Variants in CPNE8 observed in about 807,000 individuals in gnomAD.
CPNE8 encodes copine 8.
Under a neutral mutation model 81.5 loss-of-function variants are expected in CPNE8, and 45 were observed. That is an observed-to-expected ratio of 0.55 (90% CI 0.44 to 0.71). The LOEUF (loss-of-function observed/expected upper bound fraction) is 0.71. Ranked by LOEUF, CPNE8 falls within the 30% of genes least tolerant of loss-of-function variation. The pLI, the probability that CPNE8 is intolerant of heterozygous loss-of-function variation, is 0.00. For missense variants in CPNE8, 594 were observed against 672.1 expected (o/e 0.88, Z 1.28); for synonymous variants, 252 against 226.3 (o/e 1.11, Z -1.02).
At chr12:38,856,053 G>A (rs1362519103) in intron 3 of CPNE8, among the ~76,000 whole-genome samples, 5 of 151,862 alleles carry the variant, frequency 3.3e-5, no homozygotes, top group Non-Finnish European at 5.9e-5. Context: ...ATGATCATAA[G>A]GGACTATTAT....
At chr12:38,752,030 A>T (rs1241542313) in intron 10 of CPNE8, among the ~76,000 whole-genome samples, 2 of 152,218 alleles carry the variant, frequency 1.3e-5, no homozygotes, top group Admixed American at 1.3e-4. Context: ...CTGTTGCAAA[A>T]TAAGTTTAGC....
intron 10 of CPNE8, among the ~76,000 whole-genome samples, chr12:38,749,842 G>A (rs1592059572): frequency 1.3e-5 from 2 of 152,284 alleles, no homozygotes; most frequent in South Asian, 4.1e-4. Context: ...TAATAGAAAT[G>A]AAAATCCTAT....
intron 7 of CPNE8, among the ~76,000 whole-genome samples, chr12:38,771,571 CTG>C (rs1258072277): frequency 2.0e-5 from 3 of 152,162 alleles, no homozygotes; most frequent in Non-Finnish European, 2.9e-5. Flanking sequence ...TTGAATAAAA[CTG>C]TATCAAAATA....
intron 10 of CPNE8, among the ~76,000 whole-genome samples, chr12:38,745,520 A>G (rs1214749931): frequency 6.6e-6 from 1 of 152,192 alleles, no homozygotes; most frequent in Non-Finnish European, 1.5e-5. Context: ...TTCAGAAAAC[A>G]TTTGTTAAAA....
At chr12:38,694,497 C>T (rs1159069662) in intron 14 of CPNE8, among the ~76,000 whole-genome samples, 3 of 152,094 alleles carry the variant, frequency 2.0e-5, no homozygotes, top group Non-Finnish European at 2.9e-5. Flanking sequence ...TGAGATTACA[C>T]GTTTAAAAGT....
At chr12:38,858,028 T>C (rs1056308232) in intron 3 of CPNE8, among the ~76,000 whole-genome samples, 1 of 152,228 alleles carries the variant, frequency 6.6e-6, no homozygotes, top group African/African-American at 2.4e-5. Flanking sequence ...GAAATGTATA[T>C]AAATCCTTTT....
At chr12:38,767,540 T>C in intron 8 of CPNE8, 95 bp downstream of exon 8, 7 of 716,196 alleles carry the variant, frequency 9.8e-6, no homozygotes, top group Non-Finnish European at 1.5e-5. Flanking sequence ...CTATTTTACT[T>C]CATTTATCAA....
intron 6 of CPNE8, among the ~76,000 whole-genome samples, chr12:38,810,141 CCT>C (rs200905322): frequency 5.5e-4 from 83 of 152,130 alleles, no homozygotes; most frequent in Admixed American, 3.3e-3. Context: ...TTATACTCTC[CCT>C]CTCTCTCTTT....
chr12:38,824,747 G>A (rs1423919847), intron 6 of CPNE8, among the ~76,000 whole-genome samples: 1 of 152,214 alleles, frequency 6.6e-6, no homozygotes, highest in Admixed American at 6.5e-5. Flanking sequence ...AATCAATTGT[G>A]TGTTACTTAC....
At chr12:38,831,046 G>A (rs1055635145) in intron 5 of CPNE8, among the ~76,000 whole-genome samples, 2 of 152,178 alleles carry the variant, frequency 1.3e-5, no homozygotes, top group African/African-American at 4.8e-5. Context: ...AGGAGGAAAA[G>A]ATATCTGTAG....
At chr12:38,843,440 G>C (rs1943505397) in intron 4 of CPNE8, among the ~76,000 whole-genome samples, 1 of 152,076 alleles carries the variant, frequency 6.6e-6, no homozygotes, top group African/African-American at 2.4e-5. Context: ...TTCCCTCTCT[G>C]TTGGGGGGCA....
chr12:38,899,439 T>C (rs1285534992), intron 1 of CPNE8, among the ~76,000 whole-genome samples: 1 of 152,120 alleles, frequency 6.6e-6, no homozygotes, highest in African/African-American at 2.4e-5. Flanking sequence ...CAGACATCCA[T>C]CCTCTACAAC....
chr12:38,721,673 T>C (rs1940568535), intron 13 of CPNE8, among the ~76,000 whole-genome samples: 1 of 152,178 alleles, frequency 6.6e-6, no homozygotes, highest in South Asian at 2.1e-4. Context: ...GTTGCAGGCA[T>C]AGAGAAGGAG....
intron 4 of CPNE8, among the ~76,000 whole-genome samples, chr12:38,845,943 G>GCAAAAATACA (rs1943553221): frequency 6.6e-6 from 1 of 152,002 alleles, no homozygotes; most frequent in Admixed American, 6.5e-5. Flanking sequence ...ACATGCAAAA[G>GCAAAAATACA]GTAAAACAAT....
chr12:38,905,706 C>T (rs1944561518), upstream of CPNE8: 5 of 1,443,672 alleles, frequency 3.5e-6, no homozygotes, highest in Admixed American at 5.0e-5. Context: ...CCGCGCAGAG[C>T]CACGAGGGAA....
chr12:38,654,166 A>T, intron 19 of CPNE8, 96 bp from the exon 20 acceptor site: 2 of 1,389,844 alleles, frequency 1.4e-6, no homozygotes, highest in Non-Finnish European at 1.9e-6. Context: ...GTCATAGGAA[A>T]ATCAGGGAAT....
intron 6 of CPNE8, among the ~76,000 whole-genome samples, chr12:38,803,627 T>A (rs1347867863): frequency 6.9e-6 from 1 of 145,412 alleles, no homozygotes; most frequent in East Asian, 2.1e-4. Flanking sequence ...TCACCGCTCC[T>A]ATTCAACATA....
intron 3 of CPNE8, among the ~76,000 whole-genome samples, chr12:38,856,354 T>G (rs1283379786): frequency 6.6e-6 from 1 of 152,142 alleles, no homozygotes; most frequent in East Asian, 1.9e-4. Context: ...CAGACTCATT[T>G]TATGAAGCCA....
chr12:38,866,246 A>C (rs530051612), intron 3 of CPNE8, among the ~76,000 whole-genome samples: 1 of 152,376 alleles, frequency 6.6e-6, no homozygotes, highest in African/African-American at 2.4e-5. Flanking sequence ...AATCAATCAC[A>C]GGAAGTCTTT....
Sources: gnomAD v4.1 joint callset for allele counts (sites outside exome capture counted in the v4.1 genomes callset) on GRCh38, gnomAD v4.1.1 for gene constraint, MANE v1.5 for transcripts, NCBI Gene and HGNC (gene_info 2026-07-23, HGNC 2026-07-21) for gene names.